Variants in STK10 observed in about 807,000 individuals in gnomAD.
STK10 encodes the protein serine/threonine kinase 10.
A neutral mutation model predicts 113.8 loss-of-function variants in STK10; 78 were observed. The ratio of observed to expected loss-of-function variants is 0.69; its 90% CI spans 0.57 to 0.83. The LOEUF (loss-of-function observed/expected upper bound fraction) is 0.83. Among genes scored for constraint, STK10 ranks in the 40% least tolerant of loss-of-function variants. STK10 has a pLI of 0.00. For synonymous variants in STK10, 465 were observed against 494.7 expected (o/e 0.94, Z 0.80); for missense variants, 1,109 against 1,280.1 (o/e 0.87, Z 2.04).
intron 14 of STK10, among the ~76,000 whole-genome samples, chr5:172,060,022 G>A (rs1175085122): frequency 6.6e-6 from 1 of 152,202 alleles, no homozygotes; most frequent in East Asian, 1.9e-4. Context: ...TAACCCCTGA[G>A]GTGAGGGTAT....
intron 2 of STK10, among the ~76,000 whole-genome samples, chr5:172,143,544 A>T (rs1770021375): frequency 6.6e-6 from 1 of 152,182 alleles, no homozygotes; most frequent in Admixed American, 6.5e-5. Context: ...AAATGTTAGC[A>T]AAACTCCTAG....
chr5:172,096,690 G>A, intron 7 of STK10, 130 bp from the exon 8 acceptor site: 1 of 1,284,464 alleles, frequency 7.8e-7, no homozygotes, highest in Non-Finnish European at 1.1e-6. Context: ...ACATGAACTT[G>A]GAGACCCAGA....
chr5:172,093,844 A>G lies in STK10; in HGVS notation c.1122T>C (p.Ser374=). Residue 374 remains serine (S), a synonymous_variant, in exon 9 of 19, where the codon AGT becomes AGC. Transcript: ENST00000176763. The surrounding 1 kb of genome is among the most constrained non-coding windows in gnomAD (Gnocchi z 4.1). ...TPLAPSQSQD[S]VNEPCSQPSG... is the part of the protein sequence containing the mutation. ...AGGGCTGGCTGCAGGGCTCATTCAC[A>G]CTGTCCTGAGACTGGCTGGGTGCCA... 1.3e-6 allele frequency: 2 copies of G among 1,599,608 alleles called. No individual in the cohort carries two copies. The highest frequency in any genetic ancestry group is 1.7e-6 in the Non-Finnish European group (2 of 1,170,506).
chr5:172,117,570 G>A lies in STK10; in HGVS notation c.431C>T (p.Ala144Val). 1.2e-6 allele frequency: 2 copies of A among 1,614,044 alleles called. No individual in the cohort carries two copies. Among genetic ancestry groups the A allele is most frequent in the East Asian group, 2.2e-5 (1 of 44,860 alleles). Residue 144 changes from alanine (A) to valine (V), a missense_variant, in exon 4 of 19, where the codon GCC (alanine) becomes GTC (valine). Transcript: ENST00000176763. ...IQVVCRQMLE[A>V]LNFLHSKRII... is the part of the protein sequence containing the mutation. ...CCTCTTGCTGTGCAGGAAGTTGAGG[G>A]CTTCTAGCATCTGGCGGCAAACCAC...
chr5:172,066,385 G>A (rs918181675), intron 12 of STK10, among the ~76,000 whole-genome samples: 2 of 151,926 alleles, frequency 1.3e-5, no homozygotes, highest in Non-Finnish European at 2.9e-5. Context: ...GCCCAGTAGT[G>A]CAGTAGAAAA....
chr5:172,076,354 AGTTGTGGGGGCTGTCCTGTGCATTT>A (rs1768306542), intron 12 of STK10, among the ~76,000 whole-genome samples: 1 of 53,716 alleles, frequency 1.9e-5, no homozygotes, highest in Admixed American at 3.1e-4. Flanking sequence ...CCTGTGCGTT[AGTTGTGGGGGCTGTCCTGTGCATTT>A]GTTGTGGGGG....
chr5:172,052,952 C>G lies in STK10; in HGVS notation c.2743G>C (p.Asp915His). 6.2e-7 allele frequency: 1 copy of G among 1,614,138 alleles called. No homozygotes were observed. Among genetic ancestry groups the G allele is most frequent in the Non-Finnish European group, 8.5e-7 (1 of 1,180,032 alleles). The change falls in exon 18 of 19, where the codon GAC becomes CAC. Residue 915 changes from aspartate (D) to histidine (H), a missense_variant. Coordinates refer to ENST00000176763, the MANE Select transcript of STK10 (RefSeq NM_005990.4). ...ACCTTCTTGCGCGGCCGAAGCTTGT[C>G]CCGCCATTCCTTCAGGTTCTGGTTA... ...SHNQNLKEWR[D>H]KLRPRKKALE...
chr5:172,180,293 G>A (rs745640949), intron 1 of STK10, among the ~76,000 whole-genome samples: 12 of 151,242 alleles, frequency 7.9e-5, no homozygotes, highest in East Asian at 1.9e-4. Flanking sequence ...GCAAAATCTC[G>A]TCTCTACTAA....
intron 2 of STK10, among the ~76,000 whole-genome samples, chr5:172,135,329 T>C (rs753402131): frequency 3.3e-5 from 5 of 151,950 alleles, no homozygotes; most frequent in Non-Finnish European, 7.4e-5. Flanking sequence ...CTGGCCGACA[T>C]AGTGAAACCC....
chr5:172,133,499 T>C lies in STK10; in HGVS notation c.322-6078A>G, dbSNP rs1039811471. ...CAGGGTGCTAAGCCAGTCAGGAAAA[T>C]TTTCTGCCTCGTGCCCTGACTCAGG... is the stretch of plus-strand genomic sequence containing the variant. On this transcript the variant is annotated intron_variant, in intron 2 of 18. Coordinates refer to ENST00000176763, the MANE Select transcript of STK10 (RefSeq NM_005990.4). This position sits in a 1 kb window ranked among gnomAD's most constrained non-coding sequence, Gnocchi z 4.9. 2.6e-5 allele frequency among the ~76,000 whole-genome samples: 4 copies of C among 151,912 alleles called. No individual in the cohort carries two copies. Among genetic ancestry groups the C allele is most frequent in the African/African-American group, 9.7e-5 (4 of 41,368 alleles).
intron 2 of STK10, among the ~76,000 whole-genome samples, chr5:172,149,825 C>G (rs1171814251): frequency 2.6e-5 from 4 of 151,926 alleles, no homozygotes; most frequent in Admixed American, 6.6e-5. Context: ...GCGGGTGGAT[C>G]ACCTGAGGTC....
chr5:172,152,035 A>G (rs1188017467), intron 2 of STK10, among the ~76,000 whole-genome samples: 1 of 152,182 alleles, frequency 6.6e-6, no homozygotes. Context: ...TCACCTCATG[A>G]GAGAGGCTTT....
rs752357487 is a variant in STK10, at chr5:172,083,081, G to A, written c.1689C>T (p.Arg563=). Residue 563 remains arginine, a synonymous_variant, in exon 11 of 19, where the codon CGC becomes CGT. Coordinates refer to ENST00000176763, the MANE Select transcript of STK10 (RefSeq NM_005990.4). The part of the protein sequence containing the change: ...KKDEEMRFLR[R]QELRELRLLQ... ...GCAGCCGAAGCTCTCGGAGTTCCTG[G>A]CGCCTGAAAGGTTAAAGGATACAGA... 1.2e-6 allele frequency: 2 copies of A among 1,613,966 alleles called. No homozygotes were observed. Among genetic ancestry groups the A allele is most frequent in the African/African-American group, 2.7e-5 (2 of 74,908 alleles).
intron 7 of STK10, among the ~76,000 whole-genome samples, chr5:172,102,925 TG>T (rs371298893): frequency 6.7e-4 from 15 of 22,266 alleles, no homozygotes; most frequent in South Asian, 3.6e-3. Context: ...AGATTCTGGG[TG>T]GGGGGGGCGG....
At chr5:172,047,603 G>A (rs1398174966) in intron 18 of STK10, among the ~76,000 whole-genome samples, 1 of 152,184 alleles carries the variant, frequency 6.6e-6, no homozygotes, top group Non-Finnish European at 1.5e-5. Context: ...AGCGCAGGGA[G>A]GGAGGCCTCA....
intron 17 of STK10, among the ~76,000 whole-genome samples, chr5:172,053,871 T>A (rs1173021531): frequency 1.3e-5 from 2 of 152,246 alleles, no homozygotes; most frequent in African/African-American, 4.8e-5. Context: ...ATACGGGCTC[T>A]CTCAGTGCTC....
chr5:172,107,678 TA>T (rs2113766013), intron 5 of STK10, 101 bp downstream of exon 5: 3 of 1,075,800 alleles, frequency 2.8e-6, no homozygotes, highest in Non-Finnish European at 4.1e-6. Context: ...GCAGGGCGTG[TA>T]GCCCTTGTCT....
At chr5:172,056,662 G>C (rs1464361607) in intron 15 of STK10, among the ~76,000 whole-genome samples, 2 of 151,796 alleles carry the variant, frequency 1.3e-5, no homozygotes, top group Non-Finnish European at 2.9e-5. Context: ...GAGGTCAGGG[G>C]TTTGAGACCA....
At chr5:172,061,107 C>A in intron 14 of STK10, 32 bp downstream of exon 14, 1 of 1,584,100 alleles carries the variant, frequency 6.3e-7, no homozygotes, top group Non-Finnish European at 8.6e-7. Flanking sequence ...CGACTCTGGG[C>A]CAAGACAGCG....
Sources: allele counts gnomAD v4.1 joint callset (sites outside exome capture counted in the v4.1 genomes callset), GRCh38; gene constraint gnomAD v4.1.1; non-coding constraint Gnocchi (gnomAD v3.1); transcripts MANE v1.5; gene names NCBI Gene and HGNC (gene_info 2026-07-23, HGNC 2026-07-21).